TENT2: variants seen among roughly 807,000 people sequenced by gnomAD.
TENT2 encodes terminal nucleotidyltransferase 2.
In TENT2, 44 loss-of-function variants were observed where a neutral mutation model predicts 72.2. The ratio of observed to expected loss-of-function variants is 0.61; its 90% CI spans 0.48 to 0.78. TENT2 has a LOEUF of 0.78. TENT2 is among the 30% of genes least tolerant of loss of function. The pLI is 0.00. For missense variants in TENT2, 541 were observed against 569.6 expected, an observed-to-expected ratio of 0.95 and a Z score of 0.51; for synonymous variants, 212 against 192.5, an observed-to-expected ratio of 1.10 and a Z score of -0.84.
chr5:79,629,593 C>T (rs945687709), intron 4 of TENT2, among the ~76,000 whole-genome samples: 18 of 151,792 alleles, frequency 1.2e-4, no homozygotes, highest in Non-Finnish European at 2.2e-4. Flanking sequence ...TTTGGGAGGC[C>T]GAGGCGGGTG....
intron 11 of TENT2, among the ~76,000 whole-genome samples, chr5:79,664,124 A>G (rs1377733650): frequency 6.6e-6 from 1 of 152,180 alleles, no homozygotes; most frequent in Non-Finnish European, 1.5e-5. Flanking sequence ...TTATATGCAA[A>G]TACTTCACCA....
chr5:79,633,432 GTTTTTTTTTT>G (rs539713889), intron 4 of TENT2, among the ~76,000 whole-genome samples: 3 of 80,350 alleles, frequency 3.7e-5, no homozygotes, highest in African/African-American at 9.8e-5. Flanking sequence ...CAGCTAAAAA[GTTTTTTTTTT>G]TTTTTTTTTT....
intron 3 of TENT2, among the ~76,000 whole-genome samples, chr5:79,621,378 TATA>T (rs1764672326): frequency 6.6e-6 from 1 of 152,248 alleles, no homozygotes; most frequent in African/African-American, 2.4e-5. Context: ...AGAAAAGTTT[TATA>T]ATAATTCTAA....
intron 10 of TENT2, among the ~76,000 whole-genome samples, chr5:79,651,399 A>C (rs1663424489): frequency 6.6e-6 from 1 of 152,058 alleles, no homozygotes; most frequent in East Asian, 1.9e-4. Flanking sequence ...AATATCCAAA[A>C]AAAAAAGAAC....
At chr5:79,664,864 G>A (rs1806107986) in intron 11 of TENT2, among the ~76,000 whole-genome samples, 1 of 151,974 alleles carries the variant, frequency 6.6e-6, no homozygotes, top group Non-Finnish European at 1.5e-5. Context: ...ATGAAGCTGA[G>A]GAACGCTAAG....
At chr5:79,645,526 A>G (rs79587926) in intron 8 of TENT2, among the ~76,000 whole-genome samples, 1 of 152,156 alleles carries the variant, frequency 6.6e-6, no homozygotes, top group African/African-American at 2.4e-5. Flanking sequence ...ACATGTACTA[A>G]TATCAAGGGG....
chr5:79,672,973 G>A (rs1040070687), intron 12 of TENT2, among the ~76,000 whole-genome samples: 3 of 152,106 alleles, frequency 2.0e-5, no homozygotes, highest in African/African-American at 7.2e-5. Context: ...CTGTCTTTTG[G>A]ATAAAAGCCA....
chr5:79,639,205 C>T (rs1412468928), intron 4 of TENT2, among the ~76,000 whole-genome samples: 3 of 151,746 alleles, frequency 2.0e-5, no homozygotes, highest in East Asian at 3.9e-4. Flanking sequence ...AGGAATATCA[C>T]ATTTGGTATT....
Position 79,620,030 on chromosome 5 carries a change from T to C in TENT2, c.174T>C (p.Tyr58=), listed in dbSNP as rs764149512. 3 of 1,612,374 alleles carry C rather than the reference T, an allele frequency of 1.9e-6. No homozygotes were observed. The highest frequency in any genetic ancestry group is 3.3e-5 in the Admixed American group (2 of 59,978). ...SRAVSLQQLT[Y]GNVSPIQTSA... is the part of the protein sequence containing the mutation. Reference sequence around the variant, plus strand: ...CTGTGTCATTACAGCAGCTGACATATGGAAATGTCAGTCCAATACAGACCT... The same window carrying C: ...CTGTGTCATTACAGCAGCTGACATACGGAAATGTCAGTCCAATACAGACCT... Residue 58 remains tyrosine (Y), a synonymous_variant, in exon 3 of 15, where the codon TAT becomes TAC. Transcript: ENST00000453514.
chr5:79,659,742 A>G (rs186083606), intron 11 of TENT2, among the ~76,000 whole-genome samples: 159 of 151,520 alleles, frequency 1.0e-3, no homozygotes, highest in African/African-American at 3.6e-3. Flanking sequence ...TACATGATTG[A>G]TACAAGTGGT....
intron 9 of TENT2, 68 bp downstream of exon 9, chr5:79,648,761 A>C: frequency 8.4e-7 from 1 of 1,193,074 alleles, no homozygotes. Flanking sequence ...GATGTTTGGC[A>C]TAAATAGTGA....
intron 11 of TENT2, among the ~76,000 whole-genome samples, chr5:79,657,301 C>G (rs1798635201): frequency 6.6e-6 from 1 of 151,980 alleles, no homozygotes; most frequent in South Asian, 2.1e-4. Context: ...TGGCCTTATT[C>G]CAGTTTTCTT....
chr5:79,626,017 C>G (rs1227198376), intron 4 of TENT2, among the ~76,000 whole-genome samples: 1 of 151,618 alleles, frequency 6.6e-6, no homozygotes, highest in Non-Finnish European at 1.5e-5. Flanking sequence ...TTAATAGAGA[C>G]GGGGTTTCAC....
At chr5:79,674,313 T>C (rs1385471751) in intron 12 of TENT2, among the ~76,000 whole-genome samples, 1 of 151,950 alleles carries the variant, frequency 6.6e-6, no homozygotes, top group Non-Finnish European at 1.5e-5. Context: ...ACTCAGGAGT[T>C]GGAGGTTGCA....
intron 11 of TENT2, among the ~76,000 whole-genome samples, chr5:79,659,988 G>A (rs577925112): frequency 1.2e-4 from 19 of 152,070 alleles, no homozygotes; most frequent in South Asian, 1.0e-3. Context: ...AAAGGAAACC[G>A]CGGAGTTCTT....
At chr5:79,638,914 T>C (rs375222184) in intron 4 of TENT2, among the ~76,000 whole-genome samples, 6 of 152,342 alleles carry the variant, frequency 3.9e-5, no homozygotes, top group Admixed American at 2.6e-4. Context: ...AGAATGCCTC[T>C]GCCTTCTTAA....
At chr5:79,643,698 G>A (rs1056553276) in intron 7 of TENT2, among the ~76,000 whole-genome samples, 1 of 152,044 alleles carries the variant, frequency 6.6e-6, no homozygotes, top group African/African-American at 2.4e-5. Context: ...GAATTATTCT[G>A]TAAAATAAAG....
chr5:79,658,816 C>A (rs1465322597), intron 11 of TENT2, among the ~76,000 whole-genome samples: 1 of 151,992 alleles, frequency 6.6e-6, no homozygotes, highest in Non-Finnish European at 1.5e-5. Context: ...TACTCAGATT[C>A]TTACTGACGG....
chr5:79,671,275 G>A (rs1812755132), intron 12 of TENT2, among the ~76,000 whole-genome samples: 1 of 152,006 alleles, frequency 6.6e-6, no homozygotes, highest in African/African-American at 2.4e-5. Context: ...TGAAATGTGG[G>A]GATCACAGCC....
Sources: allele counts gnomAD v4.1 joint callset (sites outside exome capture counted in the v4.1 genomes callset), GRCh38; gene constraint gnomAD v4.1.1; transcripts MANE v1.5; gene names NCBI Gene and HGNC (gene_info 2026-07-23, HGNC 2026-07-21).